The following SAMMSON variants were observed in gnomAD, a reference collection of about 807,000 sequenced individuals.
SAMMSON encodes the protein survival associated mitochondrial melanoma specific oncogenic non-coding RNA.
chr3:70,097,336 A>G (rs995646518), intron 4 of SAMMSON, among the ~76,000 whole-genome samples: 2 of 152,264 alleles, frequency 1.3e-5, no homozygotes, highest in African/African-American at 4.8e-5. Context: ...AAAGCAGGAC[A>G]GTCTTATTCC....
At chr3:70,003,952 T>C (rs746152553) in intron 1 of SAMMSON, among the ~76,000 whole-genome samples, 1 of 152,078 alleles carries the variant, frequency 6.6e-6, no homozygotes, top group Non-Finnish European at 1.5e-5. Flanking sequence ...ATATTTTATA[T>C]ATTTACTATC....
At chr3:70,418,964 C>T (rs1701287406) in intron 2 of SAMMSON, among the ~76,000 whole-genome samples, 1 of 70,480 alleles carries the variant, frequency 1.4e-5, no homozygotes, top group Non-Finnish European at 3.5e-5. Context: ...CCTTTCCTTT[C>T]CTTTCCTTCC....
At chr3:70,161,135 C>T (rs572939654) in intron 4 of SAMMSON, among the ~76,000 whole-genome samples, 2 of 151,858 alleles carry the variant, frequency 1.3e-5, no homozygotes. Flanking sequence ...TTTTTTCCAG[C>T]CTAGATGTCT....
At chr3:70,346,822 A>G (rs1180307501) in intron 7 of SAMMSON, among the ~76,000 whole-genome samples, 2 of 152,196 alleles carry the variant, frequency 1.3e-5, no homozygotes, top group East Asian at 3.8e-4. Flanking sequence ...TTAGTATTTT[A>G]TATATAATTG....
In SAMMSON at chr3:70,339,376, T is replaced by C. The variant is rs550552722; in HGVS notation, n.740-14799T>C. 5.3e-5 allele frequency among the ~76,000 whole-genome samples: 8 copies of C among 152,230 alleles called. No individual in the cohort carries two copies. The East Asian group carries it at 1.4e-3, about 26-fold the overall frequency. On this transcript the variant is annotated intron_variant and non_coding_transcript_variant, in intron 7 of 9. Transcript: ENST00000642114. The stretch of plus-strand genomic sequence containing the variant: ...TTCATGACTAAAACACCAAAAGCAA[T>C]GGCAACAAAAGCCAAAATTGACAAA...
At chr3:70,400,854 C>A (rs1054001910) in intron 2 of SAMMSON, among the ~76,000 whole-genome samples, 2 of 152,044 alleles carry the variant, frequency 1.3e-5, no homozygotes, top group Non-Finnish European at 2.9e-5. Context: ...ATCTCTTGAA[C>A]CTGGGAGGTA....
intron 6 of SAMMSON, among the ~76,000 whole-genome samples, chr3:70,253,336 A>G (rs1020883196): frequency 6.6e-6 from 1 of 152,136 alleles, no homozygotes; most frequent in Non-Finnish European, 1.5e-5. Flanking sequence ...AGGGGTGTGC[A>G]TGGAGTCCAA....
chr3:70,314,284 G>C (rs965059120), intron 7 of SAMMSON, among the ~76,000 whole-genome samples: 7 of 152,106 alleles, frequency 4.6e-5, no homozygotes, highest in African/African-American at 1.4e-4. Context: ...AACTAAAACA[G>C]CATATCAAAA....
chr3:70,261,473 C>G (rs932513049), intron 6 of SAMMSON, among the ~76,000 whole-genome samples: 38 of 152,164 alleles, frequency 2.5e-4, no homozygotes, highest in African/African-American at 8.9e-4. Context: ...TGTGTTTGTA[C>G]TTTCCTTGAT....
chr3:70,357,984 T>G (rs1702842497), intron 8 of SAMMSON, among the ~76,000 whole-genome samples: 2 of 152,120 alleles, frequency 1.3e-5, no homozygotes, highest in Admixed American at 6.6e-5. Context: ...CTACTTCTCT[T>G]AAGATTAAGT....
intron 9 of SAMMSON, among the ~76,000 whole-genome samples, chr3:70,384,752 C>T (rs1244245555): frequency 2.0e-5 from 3 of 152,006 alleles, no homozygotes; most frequent in Non-Finnish European, 4.4e-5. Context: ...CTTCTCACTG[C>T]CATCTAAAAG....
chr3:70,224,886 A>T lies in SAMMSON; in HGVS notation n.508-24221A>T, dbSNP rs559974482. Among the ~76,000 whole-genome samples the T allele has an allele frequency of 5.3e-5, 8 of 152,282 alleles. No individual in the cohort carries two copies. The East Asian group carries it at 1.5e-3, about 29-fold the overall frequency. On this transcript the variant is annotated intron_variant and non_coding_transcript_variant, in intron 4 of 9. Coordinates refer to ENST00000642114, the Ensembl canonical transcript of SAMMSON. Reference sequence around the variant, plus strand: ...GATGGCTGAAAATGTATGTTAAGTGAAAACATAATATTATACCCTCTTTTC... The same window carrying T: ...GATGGCTGAAAATGTATGTTAAGTGTAAACATAATATTATACCCTCTTTTC...
chr3:70,158,542 CT>C (rs559853519), intron 4 of SAMMSON, among the ~76,000 whole-genome samples: 151 of 141,232 alleles, frequency 1.1e-3, no homozygotes, highest in South Asian at 3.6e-3. Flanking sequence ...TGGGTGGACA[CT>C]TTTTTTTTTT....
rs568063153 is a variant in SAMMSON, at chr3:70,414,100, A to G, written n.234-48460A>G. ...CATTTATCTTAGATAACTTGGTTCTATTGAGAGGCCTCTGAAAATCTCTAG... is the reference window on the plus strand; with the variant it reads ...CATTTATCTTAGATAACTTGGTTCTGTTGAGAGGCCTCTGAAAATCTCTAG... On this transcript the variant is annotated intron_variant and non_coding_transcript_variant, in intron 2 of 3. Coordinates refer to the SAMMSON transcript ENST00000641053. Among the ~76,000 whole-genome samples, 294 of 152,252 alleles carry G rather than the reference A, an allele frequency of 1.9e-3. 2 individuals carry two copies. The highest frequency in any genetic ancestry group is 6.8e-3 in the African/African-American group (282 of 41,572).
At chr3:70,210,781 T>C (rs532553214) in intron 4 of SAMMSON, among the ~76,000 whole-genome samples, 345 of 53,004 alleles carry the variant, frequency 6.5e-3, no homozygotes, top group Non-Finnish European at 0.028. Flanking sequence ...TCTATATTTC[T>C]TGGAAAAAAA....
chr3:70,343,830 C>A (rs1036060059), intron 7 of SAMMSON, among the ~76,000 whole-genome samples: 1 of 151,360 alleles, frequency 6.6e-6, no homozygotes, highest in African/African-American at 2.4e-5. Flanking sequence ...CTTTCTCCTC[C>A]ATATATTTAT....
chr3:70,258,461 C>A, intron 6 of SAMMSON, among the ~76,000 whole-genome samples: 1 of 152,126 alleles, frequency 6.6e-6, no homozygotes, highest in Non-Finnish European at 1.5e-5. Flanking sequence ...TACATTGTTA[C>A]AACCTCTGGG....
intron 2 of SAMMSON, among the ~76,000 whole-genome samples, chr3:70,418,220 C>T (rs1276685023): frequency 6.6e-6 from 1 of 152,176 alleles, no homozygotes; most frequent in Admixed American, 6.5e-5. Context: ...ATAGTTTCCT[C>T]CCATAAGTAA....
chr3:70,390,457 C>T (rs951903558), downstream of SAMMSON, among the ~76,000 whole-genome samples: 4 of 152,052 alleles, frequency 2.6e-5, no homozygotes, highest in Non-Finnish European at 5.9e-5. Context: ...GTCCAGGAAG[C>T]ATAGCAGCAT....
Sources: allele counts gnomAD v4.1 joint callset (sites outside exome capture counted in the v4.1 genomes callset), GRCh38; gene constraint gnomAD v4.1.1; transcripts MANE v1.5; gene names NCBI Gene and HGNC (gene_info 2026-07-23, HGNC 2026-07-21).